Variants in SPTLC3 observed in about 807,000 individuals in gnomAD.
SPTLC3 encodes the protein serine palmitoyltransferase 3.
A neutral mutation model predicts 59.3 loss-of-function variants in SPTLC3; 36 were observed. The observed-to-expected ratio is 0.61, with a 90% CI of 0.47 to 0.80. SPTLC3 has a LOEUF of 0.80. Ranked by LOEUF, SPTLC3 falls within the 30% of genes least tolerant of loss-of-function variation. The probability of loss-of-function intolerance (pLI) is 0.00; values close to 1 mark genes in which losing one functional copy is unlikely to be tolerated. For synonymous variants in SPTLC3, 257 were observed against 240.8 expected (o/e 1.07, Z -0.62); for missense variants, 625 against 685.1 (o/e 0.91, Z 0.98).
chr20:13,169,031 G>C lies in SPTLC3; in HGVS notation c.*4164G>C, dbSNP rs1160531598. On this transcript the variant is annotated 3_prime_UTR_variant, in exon 12 of 12. Coordinates refer to ENST00000399002, the MANE Select transcript of SPTLC3 (RefSeq NM_018327.4). The stretch of plus-strand genomic sequence containing the variant: ...AAATGTATGTTTCACTGAAACATTT[G>C]AAACGACCAATTTCACTTTATTGTG... 1 of 151,964 alleles carries C rather than the reference G, an allele frequency of 6.6e-6. No individual in the cohort carries two copies. Among genetic ancestry groups the C allele is most frequent in the Non-Finnish European group, 1.5e-5 (1 of 67,994 alleles). The allele number at this position is 151,964 out of a possible 1,614,324, so 9.4% of individuals were successfully genotyped here.
At chr20:13,017,348 T>C (rs923274871) in intron 1 of SPTLC3, among the ~76,000 whole-genome samples, 2 of 152,184 alleles carry the variant, frequency 1.3e-5, no homozygotes, top group African/African-American at 4.8e-5. Context: ...AAAATTGACC[T>C]CATGTGACTC....
intron 6 of SPTLC3, among the ~76,000 whole-genome samples, chr20:13,102,075 A>G (rs141623431): frequency 0.011 from 1,603 of 152,322 alleles, 8 homozygotes; most frequent in Non-Finnish European, 0.018. Flanking sequence ...GAGGAGGAAG[A>G]AAAAGAAGGC....
intron 8 of SPTLC3, among the ~76,000 whole-genome samples, chr20:13,125,580 T>G (rs2037970033): frequency 6.6e-6 from 1 of 152,194 alleles, no homozygotes; most frequent in African/African-American, 2.4e-5. Flanking sequence ...AAGGAGTTCT[T>G]TTGGTCTCAT....
intron 6 of SPTLC3, among the ~76,000 whole-genome samples, chr20:13,099,353 T>G (rs1989528260): frequency 6.6e-6 from 1 of 152,210 alleles, no homozygotes; most frequent in Non-Finnish European, 1.5e-5. Flanking sequence ...AATACAGCCC[T>G]GCCAATATCT....
Position 13,048,988 on chromosome 20 carries a change from C to A in SPTLC3, c.161C>A (p.Ser54Ter). 1 of 1,591,142 alleles carries A rather than the reference C, an allele frequency of 6.3e-7. No individual in the cohort carries two copies. Among genetic ancestry groups the A allele is most frequent in the South Asian group, 1.2e-5 (1 of 86,374 alleles). The change falls in exon 2 of 12, where the codon TCG (serine) becomes TAG (stop). Residue 54 changes from serine to a stop codon, truncating the protein, a stop_gained. Transcript: ENST00000399002. LOFTEE classifies it high-confidence loss of function. ...PHFYDKLIVE[S>*]FEEAPLHVMV... is the part of the protein sequence containing the mutation. Reference sequence around the variant, plus strand: ...TTTTATGATAAGCTCATTGTTGAATCGTTTGAGGAAGCACCCCTTCATGTT... The same window carrying A: ...TTTTATGATAAGCTCATTGTTGAATAGTTTGAGGAAGCACCCCTTCATGTT...
rs6041828 is a variant in SPTLC3, at chr20:13,063,270, C to T, written c.304-8986C>T. Among the ~76,000 whole-genome samples, 556 of 152,228 alleles carry T rather than the reference C, an allele frequency of 3.7e-3. 3 individuals carry two copies. Among genetic ancestry groups the T allele is most frequent in the African/African-American group, 0.013 (524 of 41,548 alleles). On this transcript the variant is annotated intron_variant, in intron 2 of 11. Transcript: ENST00000399002. The stretch of plus-strand genomic sequence containing the variant: ...ATCCTTTGCTCATAATTTTATTAAA[C>T]TTTTTGAAAATTGATTTAGAGGAAC...
chr20:13,076,495 T>A (rs1424596403), intron 4 of SPTLC3, among the ~76,000 whole-genome samples: 1 of 151,252 alleles, frequency 6.6e-6, no homozygotes, highest in African/African-American at 2.4e-5. Context: ...CCTCAGAGCT[T>A]TTAAAAATAG....
intron 9 of SPTLC3, among the ~76,000 whole-genome samples, chr20:13,131,847 G>T (rs543185542): frequency 6.6e-6 from 1 of 152,078 alleles, no homozygotes; most frequent in Non-Finnish European, 1.5e-5. Context: ...ACTTTCTGTC[G>T]TCTTTTCAGC....
chr20:13,012,475 A>G lies in SPTLC3; in HGVS notation c.117+3091A>G, dbSNP rs183627095. ...CTGTTAGGAGAAAGCTTATATCAAC[A>G]TTAAAATAATCACATCAAAGTTAAA... On this transcript the variant is annotated intron_variant, in intron 1 of 11. Transcript: ENST00000399002. Among the ~76,000 whole-genome samples the G allele has an allele frequency of 4.2e-3, 635 of 152,362 alleles. 7 individuals carry two copies. The highest frequency in any genetic ancestry group is 0.015 in the African/African-American group (610 of 41,590).
intron 2 of SPTLC3, among the ~76,000 whole-genome samples, chr20:13,062,309 G>A (rs1263643112): frequency 6.6e-6 from 1 of 152,186 alleles, no homozygotes; most frequent in Non-Finnish European, 1.5e-5. Context: ...ATGTGCCATA[G>A]GCTAAGAAGG....
At chr20:13,015,743 G>T (rs2122366458) in intron 1 of SPTLC3, among the ~76,000 whole-genome samples, 1 of 152,160 alleles carries the variant, frequency 6.6e-6, no homozygotes, top group East Asian at 1.9e-4. Flanking sequence ...AAATCATGTT[G>T]CTCACCAAAA....
intron 4 of SPTLC3, among the ~76,000 whole-genome samples, chr20:13,083,865 C>T (rs1366796886): frequency 6.6e-6 from 1 of 152,118 alleles, no homozygotes; most frequent in Non-Finnish European, 1.5e-5. Context: ...ACTGTTGGCC[C>T]ACTGTTTAAA....
chr20:13,030,353 T>C (rs1359678924), intron 1 of SPTLC3, among the ~76,000 whole-genome samples: 1 of 152,166 alleles, frequency 6.6e-6, no homozygotes, highest in Non-Finnish European at 1.5e-5. Context: ...CCACCACGAA[T>C]ATAAAAGAGA....
chr20:13,035,349 G>A (rs1030084987), intron 1 of SPTLC3, among the ~76,000 whole-genome samples: 1 of 152,142 alleles, frequency 6.6e-6, no homozygotes, highest in Admixed American at 6.6e-5. Flanking sequence ...GTAGATTTCA[G>A]CGGCCTGAAC....
intron 9 of SPTLC3, among the ~76,000 whole-genome samples, chr20:13,141,768 A>C (rs1225158170): frequency 6.6e-6 from 1 of 152,200 alleles, no homozygotes; most frequent in African/African-American, 2.4e-5. Flanking sequence ...AGCAATAGGT[A>C]ATACAAAACA....
chr20:13,133,520 G>A (rs546047838), intron 9 of SPTLC3, among the ~76,000 whole-genome samples: 1 of 152,304 alleles, frequency 6.6e-6, no homozygotes, highest in Admixed American at 6.5e-5. Context: ...GATCACTTGA[G>A]GTCAGGAGTT....
intron 9 of SPTLC3, among the ~76,000 whole-genome samples, chr20:13,153,659 C>T (rs1400107130): frequency 3.9e-5 from 6 of 152,168 alleles, no homozygotes; most frequent in Non-Finnish European, 7.3e-5. Flanking sequence ...CTTCTTATCA[C>T]ACTCCCTTCT....
chr20:13,089,796 A>AAC lies in SPTLC3; in HGVS notation c.608-1286_608-1285insCA, dbSNP rs1555792698. Among the ~76,000 whole-genome samples, 225 of 144,696 alleles carry AAC rather than the reference A, an allele frequency of 1.6e-3. 1 individual carries two copies. Among genetic ancestry groups the AAC allele is most frequent in the Non-Finnish European group, 3.0e-3 (197 of 66,092 alleles). The allele number at this position is 144,696 out of a possible 152,430, so 94.9% of individuals were successfully genotyped here. On this transcript the variant is annotated intron_variant, in intron 4 of 11. Transcript: ENST00000399002. ...GCGAGATTCTATCTCAAAAAAAAAA[A>AAC]AAAAAAAACAAAACAATGTGCTATT...
intron 2 of SPTLC3, among the ~76,000 whole-genome samples, chr20:13,065,600 A>G (rs1429946623): frequency 2.6e-5 from 4 of 152,086 alleles, no homozygotes; most frequent in African/African-American, 9.6e-5. Context: ...TGGCAATTCC[A>G]TATGGTTAAA....
Sources: allele counts gnomAD v4.1 joint callset (sites outside exome capture counted in the v4.1 genomes callset), GRCh38; gene constraint gnomAD v4.1.1; transcripts MANE v1.5; gene names NCBI Gene and HGNC (gene_info 2026-07-23, HGNC 2026-07-21).